RBFOX1: variants seen among roughly 807,000 people sequenced by gnomAD.
RBFOX1 encodes RNA binding protein fox-1 homolog 1.
Under a neutral mutation model 57.7 loss-of-function variants are expected in RBFOX1, and 8 were observed. That is an observed-to-expected ratio of 0.14 (90% CI 0.08 to 0.25). The LOEUF (loss-of-function observed/expected upper bound fraction) is 0.25. Among genes scored for constraint, RBFOX1 ranks in the 10% least tolerant of loss-of-function variants. The pLI, the probability that RBFOX1 is intolerant of heterozygous loss-of-function variation, is 1.00. For synonymous variants in RBFOX1, 326 were observed against 222.4 expected, an observed-to-expected ratio of 1.47 and a Z score of -4.15; for missense variants, 611 against 548.5, an observed-to-expected ratio of 1.11 and a Z score of -1.14.
intron 3 of RBFOX1, chr16:6,704,568 G>C (rs1232027761): frequency 1.3e-5 from 2 of 152,286 alleles, no homozygotes; most frequent in Admixed American, 6.5e-5. Flanking sequence ...ATACCAGACT[G>C]TTTATAATAT....
intron 3 of RBFOX1, among the ~76,000 whole-genome samples, chr16:5,649,096 C>T (rs997825396): frequency 1.3e-5 from 2 of 151,818 alleles, no homozygotes; most frequent in Admixed American, 6.6e-5. Flanking sequence ...TTTAAAGATA[C>T]ATAAAAGCGA....
At chr16:6,999,737 A>T (rs557195540) in intron 3 of RBFOX1, among the ~76,000 whole-genome samples, 12 of 152,152 alleles carry the variant, frequency 7.9e-5, no homozygotes, top group South Asian at 2.1e-4. Flanking sequence ...GAAACTTTTT[A>T]AAAAAAGAAC....
chr16:7,472,389 C>G (rs1397037459), intron 4 of RBFOX1, among the ~76,000 whole-genome samples: 1 of 152,038 alleles, frequency 6.6e-6, no homozygotes, highest in East Asian at 1.9e-4. Flanking sequence ...CTTGCAGTGT[C>G]ACACACGAGT....
At chr16:5,370,679 G>C (rs1321903467) in intron 1 of RBFOX1, among the ~76,000 whole-genome samples, 3 of 151,666 alleles carry the variant, frequency 2.0e-5, no homozygotes, top group Non-Finnish European at 4.4e-5. Context: ...ATGTTTTGTA[G>C]AGACAGAGTC....
intron 4 of RBFOX1, among the ~76,000 whole-genome samples, chr16:7,293,463 C>G (rs562980238): frequency 5.3e-5 from 8 of 152,128 alleles, no homozygotes; most frequent in Non-Finnish European, 8.8e-5. Context: ...TTCTCTCTGC[C>G]ACCATCTTCA....
chr16:7,204,197 C>T (rs767403110), intron 4 of RBFOX1, among the ~76,000 whole-genome samples: 4 of 152,210 alleles, frequency 2.6e-5, no homozygotes, highest in Admixed American at 2.6e-4. Context: ...ATGATCCATT[C>T]TCAATGAACC....
At chr16:5,782,008 C>A (rs1308768065) in intron 3 of RBFOX1, among the ~76,000 whole-genome samples, 1 of 152,230 alleles carries the variant, frequency 6.6e-6, no homozygotes, top group South Asian at 2.1e-4. Flanking sequence ...GAGTTCAAGA[C>A]CAGCCTGGGC....
chr16:7,082,906 A>G (rs144980555), intron 4 of RBFOX1, among the ~76,000 whole-genome samples: 1,630 of 152,336 alleles, frequency 0.011, 15 homozygotes, highest in Non-Finnish European at 0.016. Flanking sequence ...TTTCTCTTGA[A>G]GCTTGACAAC....
At chr16:7,104,674 G>A (rs544827496) in intron 4 of RBFOX1, among the ~76,000 whole-genome samples, 6 of 152,244 alleles carry the variant, frequency 3.9e-5, no homozygotes, top group African/African-American at 1.4e-4. Context: ...ATGTTTTCCT[G>A]TTGGTTACAT....
chr16:5,725,757 T>A (rs1169381101), intron 3 of RBFOX1, among the ~76,000 whole-genome samples: 1 of 152,004 alleles, frequency 6.6e-6, no homozygotes, highest in Non-Finnish European at 1.5e-5. Flanking sequence ...CCACGGAGCT[T>A]ATGCTTCCCA....
intron 5 of RBFOX1, among the ~76,000 whole-genome samples, chr16:7,578,912 G>A (rs1280793107): frequency 2.6e-5 from 4 of 152,244 alleles, no homozygotes; most frequent in Middle Eastern, 3.4e-3. Context: ...TCAATGTAAC[G>A]TCATGTTATA....
chr16:6,554,670 C>T (rs975147059), intron 2 of RBFOX1, among the ~76,000 whole-genome samples: 12 of 152,078 alleles, frequency 7.9e-5, no homozygotes, highest in African/African-American at 2.2e-4. Flanking sequence ...ACTTGTCCAT[C>T]AGTCACTGAA....
intron 1 of RBFOX1, among the ~76,000 whole-genome samples, chr16:5,355,302 G>A (rs921956207): frequency 7.9e-5 from 12 of 152,202 alleles, no homozygotes; most frequent in African/African-American, 2.9e-4. Context: ...CTGAACGCAG[G>A]TGTGGCAGGA....
At chr16:6,750,800 C>T (rs1412439867) in intron 3 of RBFOX1, among the ~76,000 whole-genome samples, 1 of 152,138 alleles carries the variant, frequency 6.6e-6, no homozygotes, top group Admixed American at 6.5e-5. Flanking sequence ...GTGAGAAAAA[C>T]ATAAATAGTT....
intron 3 of RBFOX1, among the ~76,000 whole-genome samples, chr16:6,890,185 C>T (rs923930962): frequency 5.9e-5 from 9 of 152,098 alleles, no homozygotes; most frequent in African/African-American, 2.2e-4. Flanking sequence ...TTGGGAGAAA[C>T]ACTGCTGTAA....
At chr16:6,373,516 T>C (rs2090770832) in intron 2 of RBFOX1, among the ~76,000 whole-genome samples, 2 of 151,492 alleles carry the variant, frequency 1.3e-5, no homozygotes, top group Non-Finnish European at 2.9e-5. Context: ...AAATGTATAG[T>C]TGGATACAAG....
intron 4 of RBFOX1, among the ~76,000 whole-genome samples, chr16:7,211,724 C>A (rs2091179406): frequency 1.3e-5 from 2 of 152,082 alleles, no homozygotes; most frequent in East Asian, 1.9e-4. Flanking sequence ...TTTCAGCTCT[C>A]GTGCCAGGTG....
intron 1 of RBFOX1, among the ~76,000 whole-genome samples, chr16:5,329,440 G>A: frequency 6.6e-6 from 1 of 152,092 alleles, no homozygotes; most frequent in Non-Finnish European, 1.5e-5. Flanking sequence ...GACAAGAACA[G>A]CACCAAAGGG....
intron 12 of RBFOX1, among the ~76,000 whole-genome samples, chr16:7,657,077 G>A (rs1480201597): frequency 6.6e-6 from 1 of 152,078 alleles, no homozygotes; most frequent in Non-Finnish European, 1.5e-5. Context: ...TGTTCTTCCT[G>A]AAGTATCCAA....
Sources: allele counts gnomAD v4.1 joint callset (sites outside exome capture counted in the v4.1 genomes callset), GRCh38; gene constraint gnomAD v4.1.1; transcripts MANE v1.5; gene names NCBI Gene and HGNC (gene_info 2026-07-23, HGNC 2026-07-21).